Variants in CSMD1 observed in about 807,000 individuals in gnomAD.
CSMD1 encodes the protein CUB and sushi domain-containing protein 1.
Under a neutral mutation model 417.5 loss-of-function variants are expected in CSMD1, and 213 were observed. The ratio of observed to expected loss-of-function variants is 0.51; its 90% CI spans 0.46 to 0.57. The LOEUF is 0.57. Ranked by LOEUF, CSMD1 falls within the 20% of genes least tolerant of loss-of-function variation. CSMD1 has a pLI of 0.00. For missense variants in CSMD1, 6,923 were observed against 4,529.7 expected, an observed-to-expected ratio of 1.53 and a Z score of -15.17; for synonymous variants, 2,862 against 1,736.8, an observed-to-expected ratio of 1.65 and a Z score of -16.11.
chr8:3,120,524 C>T (rs1163605966), intron 41 of CSMD1, among the ~76,000 whole-genome samples: 2 of 152,048 alleles, frequency 1.3e-5, no homozygotes, highest in Admixed American at 6.6e-5. Flanking sequence ...ATTTAATAAA[C>T]TAATGAAATG....
intron 26 of CSMD1, among the ~76,000 whole-genome samples, chr8:3,277,099 A>T (rs1237949638): frequency 6.6e-6 from 1 of 152,142 alleles, no homozygotes; most frequent in African/African-American, 2.4e-5. Context: ...AGGAACACAC[A>T]TCCAAGCTGA....
intron 5 of CSMD1, among the ~76,000 whole-genome samples, chr8:3,977,657 C>G (rs906758094): frequency 6.6e-6 from 1 of 152,178 alleles, no homozygotes; most frequent in Admixed American, 6.5e-5. Context: ...GGAACCTTCT[C>G]CTTTCTGCTC....
At chr8:3,021,669 T>A (rs1809408144) in intron 51 of CSMD1, among the ~76,000 whole-genome samples, 1 of 151,708 alleles carries the variant, frequency 6.6e-6, no homozygotes, top group South Asian at 2.1e-4. Flanking sequence ...GCACCTGCAA[T>A]CCCACAGCGT....
At chr8:4,800,237 G>C (rs1057350280) in intron 1 of CSMD1, among the ~76,000 whole-genome samples, 1 of 152,106 alleles carries the variant, frequency 6.6e-6, no homozygotes, top group South Asian at 2.1e-4. Flanking sequence ...TCAGGAGTTG[G>C]AGACGAGACT....
intron 1 of CSMD1, among the ~76,000 whole-genome samples, chr8:4,953,929 A>G (rs747737112): frequency 3.0e-4 from 46 of 152,114 alleles, no homozygotes; most frequent in Non-Finnish European, 6.0e-4. Context: ...TGATGTTTAA[A>G]AAGCTCTCCT....
intron 12 of CSMD1, 103 bp from the exon 13 acceptor site, chr8:3,409,708 A>T: frequency 2.3e-6 from 2 of 863,500 alleles, no homozygotes; most frequent in South Asian, 2.1e-5. Flanking sequence ...TTGCTGAACT[A>T]AACATCATTT....
intron 1 of CSMD1, among the ~76,000 whole-genome samples, chr8:4,979,948 G>A (rs558103019): frequency 6.6e-6 from 1 of 152,212 alleles, no homozygotes; most frequent in Non-Finnish European, 1.5e-5. Flanking sequence ...TGAGGCAGGA[G>A]AATGGTGTGA....
At chr8:3,981,529 C>G (rs950254462) in intron 5 of CSMD1, among the ~76,000 whole-genome samples, 3 of 105,386 alleles carry the variant, frequency 2.8e-5, no homozygotes, top group Non-Finnish European at 6.2e-5. Context: ...AAAAAAAGAA[C>G]ATACAATTGT....
chr8:4,605,970 C>T (rs570927081), intron 2 of CSMD1, among the ~76,000 whole-genome samples: 76 of 152,218 alleles, frequency 5.0e-4, no homozygotes, highest in African/African-American at 1.8e-3. Context: ...CAGAGCAGAG[C>T]CAATGGACAA....
At chr8:2,972,112 T>A (rs532604532) in intron 57 of CSMD1, among the ~76,000 whole-genome samples, 11 of 152,104 alleles carry the variant, frequency 7.2e-5, no homozygotes, top group African/African-American at 2.7e-4. Context: ...TTATTTTATA[T>A]GTGAAATTAA....
In CSMD1 at chr8:3,575,084, C is replaced by A; in HGVS notation, c.1223-18G>T. 1.2e-6 allele frequency: 2 copies of A among 1,608,624 alleles called. No individual in the cohort carries two copies. The highest frequency in any genetic ancestry group is 1.7e-6 in the Non-Finnish European group (2 of 1,177,364). On this transcript the variant is annotated intron_variant, in intron 9 of 69. Transcript: ENST00000635120. ...TGTTCTCGCTGGAAACACATAGAAACGACGTTATTTTCTACAACATTGTGT... is the reference window on the plus strand; with the variant it reads ...TGTTCTCGCTGGAAACACATAGAAAAGACGTTATTTTCTACAACATTGTGT...
chr8:3,907,743 C>A (rs1274552651), intron 5 of CSMD1, among the ~76,000 whole-genome samples: 1 of 152,186 alleles, frequency 6.6e-6, no homozygotes, highest in Non-Finnish European at 1.5e-5. Flanking sequence ...TAATCTCAGA[C>A]CTGCCTGTGT....
chr8:4,415,668 G>T (rs979182067), intron 3 of CSMD1, among the ~76,000 whole-genome samples: 1 of 152,062 alleles, frequency 6.6e-6, no homozygotes, highest in Admixed American at 6.5e-5. Context: ...ACTCAGTATT[G>T]TGTCTCTGGT....
chr8:3,673,877 G>T (rs1585054534), intron 7 of CSMD1, among the ~76,000 whole-genome samples: 1 of 152,138 alleles, frequency 6.6e-6, no homozygotes, highest in East Asian at 1.9e-4. Context: ...TAGCACTTTG[G>T]GAGGCCAAGG....
At chr8:3,533,699 C>T (rs1259290203) in intron 10 of CSMD1, among the ~76,000 whole-genome samples, 1 of 152,154 alleles carries the variant, frequency 6.6e-6, no homozygotes, top group Non-Finnish European at 1.5e-5. Flanking sequence ...CCACACGTGC[C>T]TCCACCGTGA....
intron 6 of CSMD1, among the ~76,000 whole-genome samples, chr8:3,738,149 G>A (rs183088081): frequency 1.2e-4 from 18 of 152,254 alleles, no homozygotes; most frequent in Admixed American, 1.2e-3. Context: ...TAGTAGACAT[G>A]TGTAATAAAA....
chr8:3,575,158 A>C, intron 9 of CSMD1, 92 bp from the exon 10 acceptor site: 1 of 1,185,790 alleles, frequency 8.4e-7, no homozygotes, highest in Non-Finnish European at 1.1e-6. Flanking sequence ...GTTAGCTATT[A>C]TCTAATCACA....
chr8:3,935,106 C>G (rs766793719), intron 5 of CSMD1, among the ~76,000 whole-genome samples: 19 of 152,074 alleles, frequency 1.2e-4, no homozygotes, highest in Admixed American at 2.6e-4. Context: ...AAACAACATG[C>G]CTTCTCACAC....
intron 1 of CSMD1, among the ~76,000 whole-genome samples, chr8:4,893,600 A>C (rs1417971812): frequency 6.6e-6 from 1 of 152,200 alleles, no homozygotes; most frequent in Non-Finnish European, 1.5e-5. Context: ...TACATAAATT[A>C]CATTTTCTGC....
Sources: gnomAD v4.1 joint callset for allele counts (sites outside exome capture counted in the v4.1 genomes callset) on GRCh38, gnomAD v4.1.1 for gene constraint, MANE v1.5 for transcripts, NCBI Gene and HGNC (gene_info 2026-07-23, HGNC 2026-07-21) for gene names.